The following NDUFB5 variants were observed in gnomAD, a reference collection of about 807,000 sequenced individuals.
NDUFB5 encodes NADH dehydrogenase [ubiquinone] 1 beta subcomplex subunit 5, mitochondrial.
A neutral mutation model predicts 19.4 loss-of-function variants in NDUFB5; 19 were observed. The observed-to-expected ratio is 0.98, with a 90% CI of 0.68 to 1.43. NDUFB5 has a LOEUF of 1.43. NDUFB5 is among the 40% of genes most tolerant of loss of function. The probability of loss-of-function intolerance (pLI) is 0.00; values close to 1 mark genes in which losing one functional copy is unlikely to be tolerated. For missense variants in NDUFB5, 233 were observed against 236.5 expected (o/e 0.99, Z 0.10); for synonymous variants, 80 against 82.6 (o/e 0.97, Z 0.17).
intron 5 of NDUFB5, among the ~76,000 whole-genome samples, chr3:179,620,381 G>A (rs1036190388): frequency 1.3e-5 from 2 of 151,468 alleles, no homozygotes; most frequent in South Asian, 4.2e-4. Flanking sequence ...TGTATAAGGT[G>A]TAAGGAAGGG....
At chr3:179,611,740 A>G (rs1261315621) in intron 1 of NDUFB5, among the ~76,000 whole-genome samples, 3 of 152,034 alleles carry the variant, frequency 2.0e-5, no homozygotes, top group Non-Finnish European at 4.4e-5. Context: ...CCACATTCCC[A>G]CATTATCTTA....
intron 4 of NDUFB5, 75 bp downstream of exon 4, chr3:179,617,119 A>C: frequency 8.7e-7 from 1 of 1,144,688 alleles, no homozygotes; most frequent in Non-Finnish European, 1.3e-6. Flanking sequence ...TAATTCAGCA[A>C]TTATGATATA....
intron 1 of NDUFB5, among the ~76,000 whole-genome samples, chr3:179,611,575 T>G (rs945861849): frequency 8.6e-5 from 13 of 151,742 alleles, no homozygotes; most frequent in African/African-American, 1.5e-4. Context: ...ATTTTTTGTA[T>G]TTTTAGTAGA....
chr3:179,619,022 AGATG>A, intron 5 of NDUFB5, among the ~76,000 whole-genome samples: 1 of 152,248 alleles, frequency 6.6e-6, no homozygotes, highest in Middle Eastern at 3.4e-3. Context: ...GCTGGGAAGC[AGATG>A]GATGGGTATA....
chr3:179,621,500 T>TTC (rs1560027261), intron 5 of NDUFB5, among the ~76,000 whole-genome samples: 2 of 150,246 alleles, frequency 1.3e-5, no homozygotes, highest in Admixed American at 6.6e-5. Flanking sequence ...CTTTTTCTTT[T>TTC]TTTTTTTTTT....
intron 1 of NDUFB5, among the ~76,000 whole-genome samples, chr3:179,610,193 G>A (rs1194028526): frequency 6.6e-6 from 1 of 152,086 alleles, no homozygotes; most frequent in Non-Finnish European, 1.5e-5. Flanking sequence ...CCTAGACTCA[G>A]GTGATCCTCT....
At chr3:179,623,549 C>T (rs980407555) in intron 5 of NDUFB5, among the ~76,000 whole-genome samples, 4 of 152,138 alleles carry the variant, frequency 2.6e-5, no homozygotes, top group African/African-American at 9.7e-5. Flanking sequence ...TGGTGGGCCC[C>T]TGTAGTCCCA....
intron 1 of NDUFB5, among the ~76,000 whole-genome samples, chr3:179,607,525 G>A (rs1246197373): frequency 1.3e-5 from 2 of 152,194 alleles, no homozygotes; most frequent in Non-Finnish European, 2.9e-5. Context: ...GTTGTGAAGA[G>A]TGAGTGGAAA....
intron 1 of NDUFB5, among the ~76,000 whole-genome samples, chr3:179,611,396 C>T (rs1719236874): frequency 6.6e-6 from 1 of 151,022 alleles, no homozygotes; most frequent in South Asian, 2.1e-4. Flanking sequence ...AGAAAATGAC[C>T]AATTTTCAGT....
rs201860711 is a variant in NDUFB5 at position 179,619,177 on chromosome 3, CTT to C, written c.449+657_449+658del. On this transcript the variant is annotated intron_variant, in intron 5 of 5. Transcript: ENST00000259037. Reference sequence around the variant, plus strand: ...TAGACACATATATTTTTTCCCCTCTCTTATGGTGCTGAGTGCCTGTTTTTTTT... The same window carrying C: ...TAGACACATATATTTTTTCCCCTCTCATGGTGCTGAGTGCCTGTTTTTTTT... 8.9e-3 allele frequency among the ~76,000 whole-genome samples: 1,260 copies of C among 141,836 alleles called. 13 individuals are homozygous for C. Among genetic ancestry groups the C allele is most frequent in the African/African-American group, 0.031 (1,203 of 38,478 alleles). 93.0% of individuals were successfully genotyped at this position (141,836 alleles called of 152,430 possible).
rs1719636779 is a variant in NDUFB5 at position 179,624,967 on chromosome 3, T to A, written c.*927T>A. ...CACCACACCCGGCTAATTTTTGTAT[T>A]TTTCAGTAAAGACTGTTTCGCTGTG... On this transcript the variant is annotated 3_prime_UTR_variant, in exon 6 of 6. Transcript: ENST00000259037. The A allele has an allele frequency of 6.6e-6, 1 of 151,998 alleles. No homozygotes were observed. Among genetic ancestry groups the A allele is most frequent in the African/African-American group, 2.4e-5 (1 of 41,360 alleles). 9.4% of individuals were successfully genotyped at this position (151,998 alleles called of 1,614,324 possible). A position where few individuals can be genotyped will look rare whatever the true frequency, so the allele number is the denominator to read the frequency against.
At chr3:179,605,763 G>A (rs931060106) in intron 1 of NDUFB5, among the ~76,000 whole-genome samples, 1 of 151,110 alleles carries the variant, frequency 6.6e-6, no homozygotes, top group South Asian at 2.1e-4. Context: ...AGGCAAAAGT[G>A]CCTAGGTCTC....
In NDUFB5 at chr3:179,624,152, T is replaced by C; in HGVS notation, c.*112T>C. 2.0e-6 allele frequency: 2 copies of C among 990,444 alleles called. No homozygotes were observed. Among genetic ancestry groups the C allele is most frequent in the African/African-American group, 3.4e-5 (2 of 59,668 alleles). The allele number at this position is 990,444 out of a possible 1,614,324, so 61.4% of individuals were successfully genotyped here. On this transcript the variant is annotated 3_prime_UTR_variant, in exon 6 of 6. Coordinates refer to ENST00000259037, the MANE Select transcript of NDUFB5 (RefSeq NM_002492.4). Reference sequence around the variant, plus strand: ...AACAAAAGAGCCTCTGACATTACTGTCTCTCAGTGTTGGTTCAGATTGAGG... The same window carrying C: ...AACAAAAGAGCCTCTGACATTACTGCCTCTCAGTGTTGGTTCAGATTGAGG...
At chr3:179,619,804 C>T (rs1719485908) in intron 5 of NDUFB5, among the ~76,000 whole-genome samples, 1 of 152,206 alleles carries the variant, frequency 6.6e-6, no homozygotes, top group Admixed American at 6.5e-5. Context: ...AACTAGTTTA[C>T]AGTCCCACCA....
At chr3:179,618,358 A>T (rs1719437115) in intron 4 of NDUFB5, 57 bp from the exon 5 acceptor site, 1 of 1,153,986 alleles carries the variant, frequency 8.7e-7, no homozygotes, top group African/African-American at 1.6e-5. Flanking sequence ...ATAGTCAACT[A>T]GAAAAGCAAA....
chr3:179,605,003 T>TC, intron 1 of NDUFB5, 64 bp downstream of exon 1: 1 of 1,475,438 alleles, frequency 6.8e-7, no homozygotes. Flanking sequence ...GGAGGACGCT[T>TC]CCAGGGTGAC....
chr3:179,621,051 A>G (rs571302883), intron 5 of NDUFB5, among the ~76,000 whole-genome samples: 7 of 151,972 alleles, frequency 4.6e-5, no homozygotes, highest in African/African-American at 1.4e-4. Context: ...AGTTTTTTTA[A>G]TATCTATTAA....
At chr3:179,605,421 A>T (rs1429694790) in intron 1 of NDUFB5, among the ~76,000 whole-genome samples, 1 of 152,142 alleles carries the variant, frequency 6.6e-6, no homozygotes, top group Non-Finnish European at 1.5e-5. Context: ...CAATAATGAG[A>T]TGCAGATGAA....
intron 1 of NDUFB5, chr3:179,607,777 T>C (rs1286366677): frequency 1.4e-6 from 1 of 697,978 alleles, no homozygotes; most frequent in Admixed American, 2.0e-5. Context: ...ACCACCATTC[T>C]GCTGTCTTTA....
Sources: allele counts gnomAD v4.1 joint callset (sites outside exome capture counted in the v4.1 genomes callset), GRCh38; gene constraint gnomAD v4.1.1; transcripts MANE v1.5; gene names NCBI Gene and HGNC (gene_info 2026-07-23, HGNC 2026-07-21).